Variants in EIF2AK3 observed in about 807,000 individuals in gnomAD.
The protein encoded by EIF2AK3 is eukaryotic translation initiation factor 2-alpha kinase 3.
A neutral mutation model predicts 113.5 loss-of-function variants in EIF2AK3; 50 were observed. That is an observed-to-expected ratio of 0.44 (90% CI 0.35 to 0.56). The LOEUF is 0.56. Ranked by LOEUF, EIF2AK3 falls within the 20% of genes least tolerant of loss-of-function variation. The pLI, the probability that EIF2AK3 is intolerant of heterozygous loss-of-function variation, is 0.00. For synonymous variants in EIF2AK3, 448 were observed against 495.4 expected (o/e 0.90, Z 1.27); for missense variants, 1,185 against 1,378.0 (o/e 0.86, Z 2.22).
At chr2:88,586,083 C>T (rs531483311) in intron 8 of EIF2AK3, 22 bp from the exon 9 acceptor site, 37 of 1,603,284 alleles carry the variant, frequency 2.3e-5, no homozygotes, top group African/African-American at 1.1e-4. Context: ...AACATTAAAA[C>T]GTTTTTTTTA....
At chr2:88,621,446 C>A (rs1675719555) in intron 1 of EIF2AK3, among the ~76,000 whole-genome samples, 1 of 152,212 alleles carries the variant, frequency 6.6e-6, no homozygotes, top group Non-Finnish European at 1.5e-5. Flanking sequence ...ACATTAACAA[C>A]TGCTTATTTT....
chr2:88,570,725 C>T, intron 14 of EIF2AK3, 149 bp downstream of exon 14: 1 of 989,084 alleles, frequency 1.0e-6, no homozygotes, highest in Admixed American at 2.0e-5. Flanking sequence ...AGCTGTGTCA[C>T]TATTCCACTA....
intron 1 of EIF2AK3, among the ~76,000 whole-genome samples, chr2:88,618,697 G>A (rs1191575023): frequency 6.6e-6 from 1 of 152,212 alleles, no homozygotes; most frequent in Non-Finnish European, 1.5e-5. Flanking sequence ...GGATGAAGAA[G>A]GCATATTGAA....
In EIF2AK3 at chr2:88,570,961, C is replaced by T; in HGVS notation, c.2898G>A (p.Glu966=). 6.2e-7 allele frequency: 1 copy of T among 1,614,190 alleles called. No individual in the cohort carries two copies. The highest frequency in any genetic ancestry group is 1.1e-5 in the South Asian group (1 of 91,090). The change falls in exon 14 of 17, where the codon GAG becomes GAA. Residue 966 remains glutamate, a synonymous_variant. Coordinates refer to ENST00000303236, the MANE Select transcript of EIF2AK3 (RefSeq NM_004836.7). ...TTGGGGTCAGAACCGTCTGCTCTTC[C>T]TCATCCTGGTCCATTGCAGTCACTA... The part of the protein sequence containing the change: ...FGLVTAMDQD[E]EEQTVLTPMP...
chr2:88,596,192 C>T (rs1184725713), intron 2 of EIF2AK3, among the ~76,000 whole-genome samples: 1 of 152,138 alleles, frequency 6.6e-6, no homozygotes, highest in African/African-American at 2.4e-5. Flanking sequence ...GATACTGATT[C>T]AAGTAGTGTC....
chr2:88,627,171 C>A lies in EIF2AK3; in HGVS notation c.104G>T (p.Gly35Val). 1 of 1,441,894 alleles carries A rather than the reference C, an allele frequency of 6.9e-7. No homozygotes were observed. 89.3% of individuals were successfully genotyped at this position (1,441,894 alleles called of 1,614,324 possible). A position where few individuals can be genotyped will look rare whatever the true frequency, so the allele number is the denominator to read the frequency against. The change falls in exon 1 of 17, where the codon GGC becomes GTC. Residue 35 changes from glycine to valine, a missense_variant. By Grantham distance (109) the Gly-to-Val change is moderately radical. Around this residue, in one of 3 missense-constraint regions of EIF2AK3, gnomAD observed 189 missense variants for 175.2 expected, o/e 1.08. Coordinates refer to ENST00000303236, the MANE Select transcript of EIF2AK3 (RefSeq NM_004836.7). The stretch of plus-strand genomic sequence containing the variant: ...CGCCTCCGCCGTCGGCGCTGGGAGG[C>A]CACGGGCGCGCCCCGCGGCCACCGT... ...ARTVAAGRAR[G>V]LPAPTAEAAF...
chr2:88,568,960 G>A (rs1674215906), intron 14 of EIF2AK3, among the ~76,000 whole-genome samples: 1 of 151,908 alleles, frequency 6.6e-6, no homozygotes, highest in Non-Finnish European at 1.5e-5. Context: ...GTGCAATCTC[G>A]GCTCACTGCA....
chr2:88,567,822 C>T (rs991754394), intron 14 of EIF2AK3, among the ~76,000 whole-genome samples: 14 of 152,334 alleles, frequency 9.2e-5, no homozygotes, highest in African/African-American at 3.1e-4. Flanking sequence ...GTTTCTTACA[C>T]ATCATTCCAG....
Position 88,570,882 on chromosome 2 carries a change from G to A in EIF2AK3, c.2977C>T (p.Pro993Ser). ...GQVGTKLYMS[P>S]EQIHGNSYSH... ...AGGTCTGAAAAACTCACCTGCTCTG[G>A]GCTCATATACAGTTTGGTCCCTACT... The change falls in exon 14 of 17, where the codon CCA becomes TCA. Residue 993 changes from proline (P) to serine (S), a missense_variant. Coordinates refer to ENST00000303236, the MANE Select transcript of EIF2AK3 (RefSeq NM_004836.7). The A allele has an allele frequency of 6.2e-7, 1 of 1,614,090 alleles. No homozygotes were observed.
At chr2:88,613,264 C>G (rs1675497064) in intron 2 of EIF2AK3, among the ~76,000 whole-genome samples, 1 of 152,068 alleles carries the variant, frequency 6.6e-6, no homozygotes, top group African/African-American at 2.4e-5. Flanking sequence ...ATCAAATTTA[C>G]CTGGAATTAC....
Position 88,627,388 on chromosome 2 carries a change from A to C in EIF2AK3, c.-114T>G. On this transcript the variant is annotated 5_prime_UTR_variant, in exon 1 of 17. Coordinates refer to ENST00000303236, the MANE Select transcript of EIF2AK3 (RefSeq NM_004836.7). ...TGCTAGGGACCCTACTGCCGCCCCGACGGCCTGGACAGCCAGCCGTGTTCC... is the reference window on the plus strand; with the variant it reads ...TGCTAGGGACCCTACTGCCGCCCCGCCGGCCTGGACAGCCAGCCGTGTTCC... 2 of 1,258,812 alleles carry C rather than the reference A, an allele frequency of 1.6e-6. No individual in the cohort carries two copies. 78.0% of individuals were successfully genotyped at this position (1,258,812 alleles called of 1,614,324 possible). A position where few individuals can be genotyped will look rare whatever the true frequency, so the allele number is the denominator to read the frequency against.
chr2:88,613,670 C>A, intron 2 of EIF2AK3, 54 bp downstream of exon 2: 1 of 1,603,842 alleles, frequency 6.2e-7, no homozygotes, highest in Non-Finnish European at 8.5e-7. Flanking sequence ...TTAATATCAG[C>A]AATTACTCAT....
Position 88,557,927 on chromosome 2 carries a change from C to A in EIF2AK3, c.3160G>T (p.Val1054Phe). 1 of 1,614,074 alleles carries A rather than the reference C, an allele frequency of 6.2e-7. No individual in the cohort carries two copies. The highest frequency in any genetic ancestry group is 1.1e-5 in the South Asian group (1 of 91,078). The change falls in exon 17 of 17, where the codon GTT becomes TTT. Residue 1054 changes from valine to phenylalanine, a missense_variant. By Grantham distance (50) the Val-to-Phe change is conservative. Transcript: ENST00000303236. ...TQKYPCEYVM[V>F]QDMLSPSPME... is the part of the protein sequence containing the mutation. ...GGGGATGGAGAGAGCATGTCTTGAACCATCACGTACTGAAAATATAAAAAT... is the reference window on the plus strand; with the variant it reads ...GGGGATGGAGAGAGCATGTCTTGAAACATCACGTACTGAAAATATAAAAAT...
At chr2:88,572,226 C>G (rs1674331347) in intron 13 of EIF2AK3, among the ~76,000 whole-genome samples, 1 of 152,230 alleles carries the variant, frequency 6.6e-6, no homozygotes, top group Non-Finnish European at 1.5e-5. Flanking sequence ...TAAATGTCAT[C>G]TTTCTTCCCA....
intron 2 of EIF2AK3, among the ~76,000 whole-genome samples, chr2:88,609,716 A>T (rs1028498168): frequency 2.6e-5 from 4 of 152,172 alleles, no homozygotes; most frequent in African/African-American, 9.7e-5. Flanking sequence ...TATTTGGTAG[A>T]CATTTTCTAA....
chr2:88,622,414 C>G (rs886249358), intron 1 of EIF2AK3, among the ~76,000 whole-genome samples: 1 of 152,178 alleles, frequency 6.6e-6, no homozygotes, highest in Non-Finnish European at 1.5e-5. Context: ...TAAAGAGACA[C>G]GCTGAAGCTA....
intron 12 of EIF2AK3, 70 bp downstream of exon 12, chr2:88,576,484 T>A (rs1674461056): frequency 6.3e-7 from 1 of 1,598,160 alleles, no homozygotes. Context: ...ATCCCTAAAG[T>A]TATAAAACTG....
At chr2:88,611,966 A>G (rs1474571688) in intron 2 of EIF2AK3, among the ~76,000 whole-genome samples, 1 of 152,140 alleles carries the variant, frequency 6.6e-6, no homozygotes, top group Non-Finnish European at 1.5e-5. Context: ...CAAAAGATCT[A>G]GGATTGGGGG....
intron 14 of EIF2AK3, 69 bp downstream of exon 14, chr2:88,570,805 A>G: frequency 6.3e-7 from 1 of 1,590,080 alleles, no homozygotes. Context: ...TATTTTAATG[A>G]AAACATGAGA....
Sources: allele counts gnomAD v4.1 joint callset (sites outside exome capture counted in the v4.1 genomes callset), GRCh38; gene constraint gnomAD v4.1.1; regional missense constraint gnomAD v4.1.1; transcripts MANE v1.5; gene names NCBI Gene and HGNC (gene_info 2026-07-23, HGNC 2026-07-21).